The following ERBB4 variants were observed in gnomAD, a reference collection of about 807,000 sequenced individuals.
ERBB4 encodes receptor tyrosine-protein kinase erbB-4.
ERBB4 carries 42 observed loss-of-function variants against 158.0 expected under a neutral mutation model. The observed-to-expected ratio is 0.27, with a 90% confidence interval of 0.21 to 0.34. The LOEUF (loss-of-function observed/expected upper bound fraction) is 0.34, where lower values mean the gene tolerates loss of function less well. Among genes scored for constraint, ERBB4 ranks in the 10% least tolerant of loss-of-function variants. The probability of loss-of-function intolerance (pLI) is 1.00; values close to 1 mark genes in which losing one functional copy is unlikely to be tolerated. For synonymous variants in ERBB4, 583 were observed against 558.7 expected (o/e 1.04, Z -0.61); for missense variants, 1,333 against 1,624.1 (o/e 0.82, Z 3.08).
intron 1 of ERBB4, among the ~76,000 whole-genome samples, chr2:212,211,633 A>G (rs1473711806): frequency 6.7e-6 from 1 of 148,886 alleles, no homozygotes; most frequent in Admixed American, 6.6e-5. Context: ...AAAAAAATGG[A>G]TACATGTATA....
chr2:211,871,507 T>TAA (rs547311934), intron 3 of ERBB4, among the ~76,000 whole-genome samples: 5 of 139,918 alleles, frequency 3.6e-5, no homozygotes, highest in Admixed American at 7.2e-5. Flanking sequence ...GCTTTGGCAT[T>TAA]AAAAAAAAAA....
chr2:211,391,432 G>C (rs1000244674), intron 25 of ERBB4, among the ~76,000 whole-genome samples: 1 of 152,148 alleles, frequency 6.6e-6, no homozygotes, highest in Non-Finnish European at 1.5e-5. Flanking sequence ...AGCAGCACTG[G>C]GTGCATCTGT....
intron 19 of ERBB4, among the ~76,000 whole-genome samples, chr2:211,598,950 T>C (rs2068716893): frequency 1.3e-5 from 2 of 152,342 alleles, no homozygotes; most frequent in Admixed American, 1.3e-4. Context: ...CTCCATCATT[T>C]ACTTGCTGTG....
intron 3 of ERBB4, among the ~76,000 whole-genome samples, chr2:211,912,441 T>A (rs534984061): frequency 6.6e-6 from 1 of 152,266 alleles, no homozygotes; most frequent in East Asian, 1.9e-4. Context: ...GATTTAATCA[T>A]ACCATACTGT....
At chr2:212,030,466 A>T (rs111666096) in intron 2 of ERBB4, among the ~76,000 whole-genome samples, 2,834 of 152,198 alleles carry the variant, frequency 0.019, 44 homozygotes, top group Middle Eastern at 0.034. Context: ...TATTTTCCTA[A>T]GAGACAATGT....
chr2:212,241,739 C>T (rs1053413506), intron 1 of ERBB4, among the ~76,000 whole-genome samples: 8 of 152,060 alleles, frequency 5.3e-5, no homozygotes, highest in East Asian at 3.9e-4. Flanking sequence ...GTAAATCTAC[C>T]TATTATTTCT....
At chr2:212,520,304 G>T (rs1692084072) in intron 1 of ERBB4, among the ~76,000 whole-genome samples, 2 of 151,828 alleles carry the variant, frequency 1.3e-5, no homozygotes, top group South Asian at 4.1e-4. Flanking sequence ...GAAACTACAT[G>T]AAAACTTCAT....
chr2:212,091,066 C>G (rs2078760248), intron 2 of ERBB4, among the ~76,000 whole-genome samples: 1 of 152,064 alleles, frequency 6.6e-6, no homozygotes, highest in South Asian at 2.1e-4. Flanking sequence ...TTTCCCAAAA[C>G]TGACAATGAC....
chr2:212,351,197 G>T (rs887106764), intron 1 of ERBB4, among the ~76,000 whole-genome samples: 6 of 152,010 alleles, frequency 3.9e-5, no homozygotes, highest in African/African-American at 1.4e-4. Context: ...AAGAAATTAG[G>T]GCAGAGACCC....
chr2:211,647,494 A>T (rs1452704043), intron 16 of ERBB4, among the ~76,000 whole-genome samples: 1 of 151,596 alleles, frequency 6.6e-6, no homozygotes, highest in Admixed American at 6.6e-5. Flanking sequence ...TAAACACAGG[A>T]TGACTAATTT....
intron 1 of ERBB4, among the ~76,000 whole-genome samples, chr2:212,286,342 A>G (rs552420939): frequency 6.6e-6 from 1 of 152,272 alleles, no homozygotes; most frequent in South Asian, 2.1e-4. Context: ...ATATTGAACG[A>G]ATTTGAAATT....
intron 18 of ERBB4, among the ~76,000 whole-genome samples, chr2:211,620,441 G>T (rs188322701): frequency 6.6e-6 from 1 of 152,052 alleles, no homozygotes; most frequent in Non-Finnish European, 1.5e-5. Flanking sequence ...ATATGTATTT[G>T]TGTTACTCAA....
At chr2:212,296,021 T>A (rs1329009173) in intron 1 of ERBB4, among the ~76,000 whole-genome samples, 1 of 152,032 alleles carries the variant, frequency 6.6e-6, no homozygotes, top group Admixed American at 6.6e-5. Flanking sequence ...AATTAGATGA[T>A]CCCAGGATTG....
At chr2:211,701,937 A>G (rs1197261012) in intron 12 of ERBB4, 30 bp downstream of exon 12, 1 of 1,524,480 alleles carries the variant, frequency 6.6e-7, no homozygotes, top group African/African-American at 1.4e-5. Context: ...TTAAGTTTCT[A>G]TGTTTTAAAT....
At chr2:211,525,157 T>C (rs1175562061) in intron 20 of ERBB4, among the ~76,000 whole-genome samples, 1 of 152,118 alleles carries the variant, frequency 6.6e-6, no homozygotes, top group Non-Finnish European at 1.5e-5. Flanking sequence ...CTGAGCTACG[T>C]ACTGAGCCAG....
intron 20 of ERBB4, among the ~76,000 whole-genome samples, chr2:211,447,635 A>C (rs1341977979): frequency 6.6e-6 from 1 of 152,202 alleles, no homozygotes; most frequent in Non-Finnish European, 1.5e-5. Flanking sequence ...TGAAATCTGC[A>C]TTCAAGGCCA....
At chr2:211,604,519 C>A (rs928299076) in intron 19 of ERBB4, among the ~76,000 whole-genome samples, 1 of 152,108 alleles carries the variant, frequency 6.6e-6, no homozygotes, top group African/African-American at 2.4e-5. Flanking sequence ...ATTTGTAAGT[C>A]AAATAGTTTA....
chr2:212,305,282 T>C (rs534651003), intron 1 of ERBB4, among the ~76,000 whole-genome samples: 2 of 151,520 alleles, frequency 1.3e-5, no homozygotes, highest in East Asian at 3.9e-4. Context: ...TCAGTATTAA[T>C]GTATGCTGTT....
At chr2:211,609,502 G>C (rs992755692) in intron 19 of ERBB4, among the ~76,000 whole-genome samples, 1 of 152,124 alleles carries the variant, frequency 6.6e-6, no homozygotes, top group South Asian at 2.1e-4. Context: ...AATTTTCCCT[G>C]TATCTTTGGG....
Sources: gnomAD v4.1 joint callset for allele counts (sites outside exome capture counted in the v4.1 genomes callset) on GRCh38, gnomAD v4.1.1 for gene constraint, MANE v1.5 for transcripts, NCBI Gene and HGNC (gene_info 2026-07-23, HGNC 2026-07-21) for gene names.